The following PHC1 variants were observed in gnomAD, a reference collection of about 807,000 sequenced individuals.
PHC1 encodes the protein polyhomeotic homolog 1.
In PHC1, 12 loss-of-function variants were observed where a neutral mutation model predicts 104.3. The observed-to-expected ratio is 0.12, with a 90% confidence interval of 0.07 to 0.19. The LOEUF is 0.19. Ranked by LOEUF, PHC1 falls within the 10% of genes least tolerant of loss-of-function variation. PHC1 has a pLI of 1.00. For missense variants in PHC1, 671 were observed against 1,200.0 expected, an observed-to-expected ratio of 0.56 and a Z score of 6.51; for synonymous variants, 302 against 455.8, an observed-to-expected ratio of 0.66 and a Z score of 4.30.
chr12:8,936,544 A>G (rs760190470), intron 11 of PHC1, among the ~76,000 whole-genome samples: 1 of 152,288 alleles, frequency 6.6e-6, no homozygotes, highest in Non-Finnish European at 1.5e-5. Context: ...CTTTCTAGGC[A>G]TTAGTAGTTC....
chr12:8,933,575 A>G, intron 8 of PHC1: 1 of 657,582 alleles, frequency 1.5e-6, no homozygotes. Context: ...GTAATAAGTT[A>G]GATCAAGATA....
intron 1 of PHC1, among the ~76,000 whole-genome samples, chr12:8,916,224 G>T (rs74060227): frequency 2.2e-4 from 34 of 152,158 alleles, no homozygotes; most frequent in African/African-American, 8.2e-4. Context: ...AGACTGGGGG[G>T]GGATAATAGT....
intron 11 of PHC1, among the ~76,000 whole-genome samples, chr12:8,935,629 A>G (rs1945814820): frequency 6.6e-6 from 1 of 152,216 alleles, no homozygotes; most frequent in East Asian, 1.9e-4. Context: ...TCTGTCTCAA[A>G]AAAAAGTAGG....
intron 5 of PHC1, 57 bp from the exon 6 acceptor site, chr12:8,922,576 T>C: frequency 2.1e-6 from 3 of 1,458,138 alleles, no homozygotes; most frequent in Non-Finnish European, 2.8e-6. Context: ...TTTCCATCTC[T>C]TCTGTCTCTT....
rs963534651 is a variant in PHC1 at position 8,939,543 on chromosome 12, A to G, written c.*84A>G. ...CCTGGTACCAGCAGACTTTGCAGGG[A>G]AGAAAGAGTTGTTCCAATCATGTAA... On this transcript the variant is annotated 3_prime_UTR_variant, in exon 15 of 15. Transcript: ENST00000544916. 4 of 730,172 alleles carry G rather than the reference A, an allele frequency of 5.5e-6. No homozygotes were observed. The highest frequency in any genetic ancestry group is 2.0e-5 in the South Asian group (1 of 51,028). The allele number at this position is 730,172 out of a possible 1,614,324, so 45.2% of individuals were successfully genotyped here. A position where few individuals can be genotyped will look rare whatever the true frequency, so the allele number is the denominator to read the frequency against.
intron 1 of PHC1, among the ~76,000 whole-genome samples, chr12:8,915,552 C>T (rs1223698063): frequency 6.6e-6 from 1 of 152,140 alleles, no homozygotes; most frequent in African/African-American, 2.4e-5. Context: ...CTACCCAACC[C>T]CATGTATGCC....
chr12:8,923,159 G>A (rs916945137), intron 6 of PHC1, among the ~76,000 whole-genome samples: 1 of 152,190 alleles, frequency 6.6e-6, no homozygotes, highest in Non-Finnish European at 1.5e-5. Context: ...TTAGTTAGAT[G>A]TAAAGCTGAC....
rs1206765249 is a variant in PHC1, at chr12:8,922,704, C to T, written c.528C>T (p.Ile176=). 1.2e-6 allele frequency: 2 copies of T among 1,609,784 alleles called. No homozygotes were observed. The highest frequency in any genetic ancestry group is 1.7e-6 in the Non-Finnish European group (2 of 1,178,158). The part of the protein sequence containing the change: ...GRNVPLASQL[I]LMPNGAVAAV... ...ATGTGCCTCTAGCCTCCCAACTCAT[C>T]CTGATGCCTAATGGGGCGGTGGCTG... The change falls in exon 6 of 15, where the codon ATC becomes ATT. Residue 176 remains isoleucine (I), a synonymous_variant. Coordinates refer to ENST00000544916, the MANE Select transcript of PHC1 (RefSeq NM_004426.3).
chr12:8,917,096 C>T (rs1277508268), intron 1 of PHC1, among the ~76,000 whole-genome samples: 2 of 152,256 alleles, frequency 1.3e-5, no homozygotes, highest in South Asian at 4.1e-4. Flanking sequence ...CTCAGAAAAC[C>T]TTATGTCTCA....
chr12:8,931,040 G>A, intron 7 of PHC1, 113 bp downstream of exon 7: 2 of 1,092,014 alleles, frequency 1.8e-6, no homozygotes, highest in Non-Finnish European at 2.6e-6. Context: ...GCTTCTGTTG[G>A]TCCTTGAATA....
At position 8,930,803 on chromosome 12, in the gene PHC1, C is replaced by G. The variant is rs200453120; in HGVS notation, c.981C>G (p.Ser327Arg). ...AAACAGTGACTGTGAGCCAGGGCAG[C>G]CAGACAGAGGCAGAAAGTGCAGCAG... is the stretch of plus-strand genomic sequence containing the variant. Reference protein sequence around the residue: ...AAQTVTVSQGSQTEAESAAAK... With the variant: ...AAQTVTVSQGRQTEAESAAAK... The change falls in exon 7 of 15, where the codon AGC becomes AGG. Residue 327 changes from serine (S) to arginine (R), a missense_variant. Transcript: ENST00000544916. The G allele has an allele frequency of 6.6e-7, 1 of 1,526,200 alleles. No homozygotes were observed. Among genetic ancestry groups the G allele is most frequent in the Non-Finnish European group, 9.0e-7 (1 of 1,116,926 alleles). 94.5% of individuals were successfully genotyped at this position (1,526,200 alleles called of 1,614,324 possible).
intron 6 of PHC1, among the ~76,000 whole-genome samples, chr12:8,924,706 G>T (rs1212748469): frequency 2.0e-5 from 3 of 152,088 alleles, no homozygotes; most frequent in Non-Finnish European, 4.4e-5. Context: ...GAGATGAGGG[G>T]ATAAATAAAA....
intron 2 of PHC1, among the ~76,000 whole-genome samples, chr12:8,918,767 C>T (rs1417058592): frequency 1.3e-5 from 2 of 152,346 alleles, no homozygotes; most frequent in Admixed American, 6.5e-5. Context: ...CTTTTCTTAA[C>T]ATCCTATGGA....
chr12:8,930,464 G>A lies in PHC1; in HGVS notation c.642G>A (p.Gln214=), dbSNP rs1435898350. ...QVQNLAVRNQ[Q]ASAQGPQMQG... is the part of the protein sequence containing the mutation. ...AGAACTTGGCAGTAAGGAATCAACA[G>A]GCCTCAGCTCAAGGACCTCAGATGC... The change falls in exon 7 of 15, where the codon CAG becomes CAA. Residue 214 remains glutamine, a synonymous_variant. Transcript: ENST00000544916. 6.2e-7 allele frequency: 1 copy of A among 1,602,704 alleles called. No homozygotes were observed. Among genetic ancestry groups the A allele is most frequent in the Non-Finnish European group, 8.5e-7 (1 of 1,174,516 alleles).
Position 8,937,264 on chromosome 12 carries a change from C to T in PHC1, c.2566C>T (p.Arg856Cys), listed in dbSNP as rs768788384. 1.2e-5 allele frequency: 19 copies of T among 1,612,252 alleles called. No homozygotes were observed. In the Admixed American group the frequency reaches 1.7e-4, roughly 14 times the overall value. ...QEANYARVRRRGPRRSSSDIA... is the reference protein window; with the variant it reads ...QEANYARVRRCGPRRSSSDIA... ...AGCCAACTATGCTCGCGTTCGCAGGCGTGGACCCCGCCGCAGCTCCTCTGA... is the reference window on the plus strand; with the variant it reads ...AGCCAACTATGCTCGCGTTCGCAGGTGTGGACCCCGCCGCAGCTCCTCTGA... The change falls in exon 13 of 15, where the codon CGT becomes TGT. Residue 856 changes from arginine (R) to cysteine (C), a missense_variant. Physicochemically the swap from Arg to Cys is radical, Grantham distance 180. This residue lies in a region of PHC1 where 192 missense variants were observed against 280.5 expected (regional missense o/e 0.68). Coordinates refer to ENST00000544916, the MANE Select transcript of PHC1 (RefSeq NM_004426.3).
Position 8,917,898 on chromosome 12 carries a change from T to G in PHC1, c.114+107T>G. 1.5e-5 allele frequency: 10 copies of G among 646,694 alleles called. No individual in the cohort carries two copies. In the South Asian group the frequency reaches 2.0e-4, roughly 13 times the overall value. 40.1% of individuals were successfully genotyped at this position (646,694 alleles called of 1,614,324 possible). ...TTCTTTTTCAACAAACTGGGGAGAGTTGGGTTAGATGATGACTAAGCTGTC... is the reference window on the plus strand; with the variant it reads ...TTCTTTTTCAACAAACTGGGGAGAGGTGGGTTAGATGATGACTAAGCTGTC... On this transcript the variant is annotated intron_variant, in intron 2 of 14. Coordinates refer to ENST00000544916, the MANE Select transcript of PHC1 (RefSeq NM_004426.3).
At chr12:8,914,866 C>T (rs1381172602) in intron 1 of PHC1, 39 bp downstream of exon 1, 1 of 154,206 alleles carries the variant, frequency 6.5e-6, no homozygotes, top group African/African-American at 2.4e-5. Flanking sequence ...GGCAGGACCT[C>T]TGGGGGCTTG....
chr12:8,935,627 A>C (rs964612755), intron 11 of PHC1, among the ~76,000 whole-genome samples: 1 of 152,158 alleles, frequency 6.6e-6, no homozygotes, highest in African/African-American at 2.4e-5. Context: ...ACTCTGTCTC[A>C]AAAAAAAGTA....
rs894553256 is a variant in PHC1 at position 8,925,804 on chromosome 12, G to T, written c.612+3016G>T. Among the ~76,000 whole-genome samples the T allele has an allele frequency of 2.0e-5, 3 of 152,230 alleles. No homozygotes were observed. The East Asian group carries it at 5.8e-4, about 29-fold the overall frequency. ...ATATGGAAGTGTCATAGAGAGATTT[G>T]GATGTATTTTTGTTTTGTTTTGCTT... is the stretch of plus-strand genomic sequence containing the variant. On this transcript the variant is annotated intron_variant, in intron 6 of 14. Transcript: ENST00000544916.
Sources: gnomAD v4.1 joint callset for allele counts (sites outside exome capture counted in the v4.1 genomes callset) on GRCh38, gnomAD v4.1.1 for gene constraint, gnomAD v4.1.1 regional missense constraint, MANE v1.5 for transcripts, NCBI Gene and HGNC (gene_info 2026-07-23, HGNC 2026-07-21) for gene names.